Variants in SMCO4 observed in about 807,000 individuals in gnomAD.
SMCO4 encodes the protein single-pass membrane and coiled-coil domain-containing protein 4.
Under a neutral mutation model 3.6 loss-of-function variants are expected in SMCO4, and 4 were observed. The ratio of observed to expected loss-of-function variants is 1.11; its 90% CI spans 0.54 to 2.53. SMCO4 has a LOEUF of 2.53. Among genes scored for constraint, SMCO4 ranks in the 30% most tolerant of loss-of-function variants. The probability of loss-of-function intolerance (pLI) is 0.02; values close to 1 mark genes in which losing one functional copy is unlikely to be tolerated. For synonymous variants in SMCO4, 36 were observed against 35.3 expected (o/e 1.02, Z -0.07); for missense variants, 70 against 80.8 (o/e 0.87, Z 0.51).
chr11:93,541,257 G>T (rs1285278440), intron 1 of SMCO4, among the ~76,000 whole-genome samples: 4 of 152,176 alleles, frequency 2.6e-5, no homozygotes, highest in African/African-American at 9.7e-5. Context: ...GGGGTCTAGG[G>T]GACAGGAGCG....
chr11:93,530,035 G>GA (rs1949147610), intron 1 of SMCO4, among the ~76,000 whole-genome samples: 1 of 152,208 alleles, frequency 6.6e-6, no homozygotes, highest in Non-Finnish European at 1.5e-5. Context: ...GTGGCCTGCT[G>GA]ACCAGGAGAG....
At chr11:93,552,522 A>T in the SMCO4 span, among the ~76,000 whole-genome samples, 1 of 150,400 alleles carries the variant, frequency 6.6e-6, no homozygotes, top group African/African-American at 2.4e-5. Context: ...CCCAGGCTGT[A>T]GTACAATGGC....
At chr11:93,519,726 T>G (rs1299181710) in intron 1 of SMCO4, among the ~76,000 whole-genome samples, 1 of 152,216 alleles carries the variant, frequency 6.6e-6, no homozygotes, top group Non-Finnish European at 1.5e-5. Flanking sequence ...CATGAGTGGC[T>G]CTCAATGGCC....
chr11:93,480,993 C>A (rs540414209), intron 2 of SMCO4, among the ~76,000 whole-genome samples: 2 of 151,766 alleles, frequency 1.3e-5, no homozygotes, highest in Admixed American at 6.6e-5. Context: ...TTAAGGGAAG[C>A]GCCATTTGGG....
intron 1 of SMCO4, among the ~76,000 whole-genome samples, chr11:93,537,603 T>G (rs928895091): frequency 1.3e-5 from 2 of 151,912 alleles, no homozygotes; most frequent in African/African-American, 2.4e-5. Context: ...GAAAAGGGCT[T>G]TGCTCAGGAC....
intron 2 of SMCO4, among the ~76,000 whole-genome samples, chr11:93,483,588 T>C (rs1448901085): frequency 6.6e-6 from 1 of 151,484 alleles, no homozygotes; most frequent in Non-Finnish European, 1.5e-5. Flanking sequence ...TCTAGTCGAG[T>C]CCCCTGTGAG....
chr11:93,515,229 G>A lies in SMCO4; in HGVS notation c.-153-15881C>T, dbSNP rs192150144. 2.4e-4 allele frequency among the ~76,000 whole-genome samples: 36 copies of A among 152,232 alleles called. No homozygotes were observed. The East Asian group carries it at 4.6e-3, about 20-fold the overall frequency. The stretch of plus-strand genomic sequence containing the variant: ...ACTCTGTGATTTTAAAAAGTGGAGC[G>A]CGTTATTGGCACCATTTGTTTCTGA... On this transcript the variant is annotated intron_variant, in intron 1 of 2. Transcript: ENST00000298966.
At chr11:93,537,357 A>G (rs1029607073) in intron 1 of SMCO4, among the ~76,000 whole-genome samples, 3 of 152,182 alleles carry the variant, frequency 2.0e-5, no homozygotes, top group African/African-American at 7.2e-5. Flanking sequence ...CACACTCACT[A>G]CTGAAATCCA....
intron 2 of SMCO4, among the ~76,000 whole-genome samples, chr11:93,491,499 A>C (rs1025695735): frequency 6.6e-6 from 1 of 152,138 alleles, no homozygotes; most frequent in Admixed American, 6.5e-5. Context: ...TGTTGGCTCT[A>C]CTGCATCACA....
intron 1 of SMCO4, among the ~76,000 whole-genome samples, chr11:93,534,098 G>A (rs1163053566): frequency 6.6e-6 from 1 of 151,366 alleles, no homozygotes; most frequent in South Asian, 2.1e-4. Context: ...GGCTGAGGCA[G>A]GAGAATTGCT....
chr11:93,517,402 T>A (rs1949017572), intron 1 of SMCO4, among the ~76,000 whole-genome samples: 1 of 152,230 alleles, frequency 6.6e-6, no homozygotes, highest in Admixed American at 6.5e-5. Context: ...TTAGAAATAT[T>A]CTTTGCTTTA....
chr11:93,535,357 T>C, intron 1 of SMCO4: 1 of 664,548 alleles, frequency 1.5e-6, no homozygotes, highest in Non-Finnish European at 2.6e-6. Flanking sequence ...ATAGTTGCTA[T>C]GGACCCACCA....
chr11:93,505,766 T>C (rs774599084), intron 1 of SMCO4, among the ~76,000 whole-genome samples: 25 of 152,244 alleles, frequency 1.6e-4, no homozygotes, highest in East Asian at 1.9e-4. Context: ...CTTACTGATA[T>C]CACAGAGAAC....
chr11:93,541,940 T>G (rs1295498181), intron 1 of SMCO4, among the ~76,000 whole-genome samples: 1 of 152,120 alleles, frequency 6.6e-6, no homozygotes, highest in East Asian at 1.9e-4. Context: ...ATGTGACAGA[T>G]AAGAAAACAG....
intron 2 of SMCO4, among the ~76,000 whole-genome samples, chr11:93,486,777 C>A (rs939436547): frequency 5.3e-5 from 8 of 152,188 alleles, no homozygotes; most frequent in Non-Finnish European, 1.5e-5. Context: ...CCCATTACAC[C>A]CCACTGTACA....
Position 93,478,839 on chromosome 11 carries a change from C to A in SMCO4, c.*171G>T, listed in dbSNP as rs1359279340. ...TCACTGATAAAACATCCCCTATTCC[C>A]TCCCAAGAAAGCGGAGATACTTTAA... is the stretch of plus-strand genomic sequence containing the variant. On this transcript the variant is annotated 3_prime_UTR_variant, in exon 3 of 3. Transcript: ENST00000298966. 6 of 1,421,340 alleles carry A rather than the reference C, an allele frequency of 4.2e-6. No individual in the cohort carries two copies. The highest frequency in any genetic ancestry group is 5.5e-6 in the Non-Finnish European group (6 of 1,090,654). The allele number at this position is 1,421,340 out of a possible 1,614,324, so 88.0% of individuals were successfully genotyped here. A position where few individuals can be genotyped will look rare whatever the true frequency, so the allele number is the denominator to read the frequency against.
intron 1 of SMCO4, chr11:93,535,332 G>A: frequency 1.7e-6 from 1 of 589,894 alleles, no homozygotes. Flanking sequence ...TGAGGGTTTG[G>A]TTCCCTCATC....
chr11:93,531,643 CTAAT>C (rs1212548553), intron 1 of SMCO4, among the ~76,000 whole-genome samples: 1 of 152,134 alleles, frequency 6.6e-6, no homozygotes, highest in Non-Finnish European at 1.5e-5. Context: ...ACAGGTAACA[CTAAT>C]TAATATATTG....
At chr11:93,493,857 C>G (rs984699127) in intron 2 of SMCO4, among the ~76,000 whole-genome samples, 9 of 152,288 alleles carry the variant, frequency 5.9e-5, no homozygotes, top group African/African-American at 2.2e-4. Context: ...GACTGTCCCT[C>G]TCGCCAATGC....
Sources: gnomAD v4.1 joint callset for allele counts (sites outside exome capture counted in the v4.1 genomes callset) on GRCh38, gnomAD v4.1.1 for gene constraint, MANE v1.5 for transcripts, NCBI Gene and HGNC (gene_info 2026-07-23, HGNC 2026-07-21) for gene names.